PPP1R16B: variants seen among roughly 807,000 people sequenced by gnomAD.
PPP1R16B encodes the protein protein phosphatase 1 regulatory subunit 16B.
A neutral mutation model predicts 61.7 loss-of-function variants in PPP1R16B; 14 were observed. That is an observed-to-expected ratio of 0.23 (90% confidence interval 0.15 to 0.35). The LOEUF is 0.35. Among genes scored for constraint, PPP1R16B ranks in the 10% least tolerant of loss-of-function variants. PPP1R16B has a pLI of 1.00. For missense variants in PPP1R16B, 547 were observed against 752.5 expected (o/e 0.73, Z 3.19); for synonymous variants, 266 against 305.3 (o/e 0.87, Z 1.34).
At chr20:38,917,475 T>C (rs2085551733) in intron 10 of PPP1R16B, among the ~76,000 whole-genome samples, 1 of 152,198 alleles carries the variant, frequency 6.6e-6, no homozygotes, top group African/African-American at 2.4e-5. Flanking sequence ...TTTTTTAGTT[T>C]ATAGTTTTTA....
chr20:38,896,182 C>T (rs1295463403), intron 4 of PPP1R16B, among the ~76,000 whole-genome samples: 3 of 117,788 alleles, frequency 2.5e-5, no homozygotes, highest in African/African-American at 1.1e-4. Flanking sequence ...TTCTTTCTTC[C>T]CTCCCTTCCT....
At chr20:38,899,394 A>G (rs1051681336) in intron 4 of PPP1R16B, among the ~76,000 whole-genome samples, 13 of 152,300 alleles carry the variant, frequency 8.5e-5, no homozygotes, top group African/African-American at 3.1e-4. Flanking sequence ...TCGGTATTAC[A>G]ATCACCTGGG....
chr20:38,817,228 T>C (rs77944660), intron 1 of PPP1R16B, among the ~76,000 whole-genome samples: 7,309 of 152,226 alleles, frequency 0.048, 183 homozygotes, highest in Non-Finnish European at 0.06. Context: ...GAACGAAGAC[T>C]GTTTGGCACA....
At chr20:38,893,577 T>TGGGAGGAGGC (rs139908846) in intron 3 of PPP1R16B, among the ~76,000 whole-genome samples, 23,062 of 148,892 alleles carry the variant, frequency 0.15, 1,923 homozygotes, top group Middle Eastern at 0.17. Flanking sequence ...AGGGAGGAAG[T>TGGGAGGAGGC]GGGAGGAGGC....
chr20:38,888,732 G>A (rs931590973), intron 2 of PPP1R16B, among the ~76,000 whole-genome samples: 2 of 152,108 alleles, frequency 1.3e-5, no homozygotes, highest in African/African-American at 4.8e-5. Flanking sequence ...TGGGTTCAGG[G>A]GAGAATTGGG....
intron 2 of PPP1R16B, among the ~76,000 whole-genome samples, chr20:38,874,457 G>A (rs898938912): frequency 1.3e-5 from 2 of 152,184 alleles, no homozygotes; most frequent in African/African-American, 4.8e-5. Flanking sequence ...CTGAGGCTCA[G>A]ATAGAGGAGA....
At chr20:38,848,192 A>C (rs1449923931) in intron 2 of PPP1R16B, among the ~76,000 whole-genome samples, 1 of 152,200 alleles carries the variant, frequency 6.6e-6, no homozygotes, top group African/African-American at 2.4e-5. Context: ...TTGCACTAAA[A>C]TGTTTCCTCA....
rs1215077382 is a variant in PPP1R16B at position 38,922,513 on chromosome 20, A to G, written c.*3847A>G. ...GTCAGTGGATGACTCTGCAAAAGTG[A>G]CCCCCTGTGCCAGAAGCTATAGCCC... On this transcript the variant is annotated 3_prime_UTR_variant, in exon 11 of 11. Coordinates refer to ENST00000299824, the MANE Select transcript of PPP1R16B (RefSeq NM_015568.4). 1.3e-5 allele frequency: 2 copies of G among 152,388 alleles called. No individual in the cohort carries two copies. Among genetic ancestry groups the G allele is most frequent in the Admixed American group, 1.3e-4 (2 of 15,266 alleles). The allele number at this position is 152,388 out of a possible 1,614,324, so 9.4% of individuals were successfully genotyped here. A position where few individuals can be genotyped will look rare whatever the true frequency, so the allele number is the denominator to read the frequency against.
At chr20:38,841,918 A>G (rs1023872856) in intron 2 of PPP1R16B, among the ~76,000 whole-genome samples, 6 of 152,324 alleles carry the variant, frequency 3.9e-5, no homozygotes, top group African/African-American at 1.4e-4. Context: ...TTGTGTGGAT[A>G]TATGTTTTCA....
chr20:38,869,932 T>TA (rs1283121658), intron 2 of PPP1R16B, among the ~76,000 whole-genome samples: 8 of 151,558 alleles, frequency 5.3e-5, no homozygotes, highest in African/African-American at 1.2e-4. Flanking sequence ...ATTTATTTTT[T>TA]TTTTTTTTTA....
chr20:38,886,230 G>T (rs1016375792), intron 2 of PPP1R16B, among the ~76,000 whole-genome samples: 3 of 152,208 alleles, frequency 2.0e-5, no homozygotes, highest in Admixed American at 2.0e-4. Context: ...TGCTGAGGCA[G>T]CCTTGGCTCA....
At chr20:38,820,541 AG>A (rs2084766656) in intron 1 of PPP1R16B, among the ~76,000 whole-genome samples, 1 of 151,808 alleles carries the variant, frequency 6.6e-6, no homozygotes, top group Non-Finnish European at 1.5e-5. Context: ...CTGGGCAACA[AG>A]AACGAAACTT....
chr20:38,816,008 A>C (rs189728936), intron 1 of PPP1R16B, among the ~76,000 whole-genome samples: 1 of 152,356 alleles, frequency 6.6e-6, no homozygotes, highest in African/African-American at 2.4e-5. Context: ...TGAATTCATA[A>C]AATACCGTAT....
At chr20:38,875,792 T>G (rs1260524814) in intron 2 of PPP1R16B, among the ~76,000 whole-genome samples, 1 of 151,648 alleles carries the variant, frequency 6.6e-6, no homozygotes, top group Non-Finnish European at 1.5e-5. Flanking sequence ...CAGCAGGCTC[T>G]CGGGGGAGGT....
intron 5 of PPP1R16B, among the ~76,000 whole-genome samples, chr20:38,901,180 C>A (rs2085391517): frequency 6.6e-6 from 1 of 152,138 alleles, no homozygotes; most frequent in Admixed American, 6.5e-5. Context: ...TGCCCCAGCA[C>A]CCCACAGATA....
At chr20:38,821,226 C>T (rs926638943) in intron 1 of PPP1R16B, among the ~76,000 whole-genome samples, 1 of 152,102 alleles carries the variant, frequency 6.6e-6, no homozygotes, top group Non-Finnish European at 1.5e-5. Context: ...GAGTGCCTCC[C>T]CATGGACTCC....
intron 2 of PPP1R16B, among the ~76,000 whole-genome samples, chr20:38,848,844 A>G (rs1375395951): frequency 2.6e-5 from 4 of 152,216 alleles, no homozygotes; most frequent in Non-Finnish European, 5.9e-5. Context: ...GAGATCAGGA[A>G]AAATAACTAA....
At chr20:38,884,754 A>G (rs2085230051) in intron 2 of PPP1R16B, among the ~76,000 whole-genome samples, 1 of 152,070 alleles carries the variant, frequency 6.6e-6, no homozygotes, top group South Asian at 2.1e-4. Context: ...CCTGGGCAAC[A>G]TAGTGAGGCC....
chr20:38,875,894 T>TA (rs1180074757), intron 2 of PPP1R16B, among the ~76,000 whole-genome samples: 1 of 151,862 alleles, frequency 6.6e-6, no homozygotes, highest in Non-Finnish European at 1.5e-5. Context: ...ACCTTGGACT[T>TA]ATATTTGTTT....
Sources: gnomAD v4.1 joint callset for allele counts (sites outside exome capture counted in the v4.1 genomes callset) on GRCh38, gnomAD v4.1.1 for gene constraint, MANE v1.5 for transcripts, NCBI Gene and HGNC (gene_info 2026-07-23, HGNC 2026-07-21) for gene names.